The following SHC4 variants were observed in gnomAD, a reference collection of about 807,000 sequenced individuals.
The protein encoded by SHC4 is SHC adaptor protein 4.
In SHC4, 41 loss-of-function variants were observed where a neutral mutation model predicts 69.4. The observed-to-expected ratio is 0.59, with a 90% CI of 0.46 to 0.77. The LOEUF (loss-of-function observed/expected upper bound fraction) is 0.77, where lower values mean the gene tolerates loss of function less well. Among genes scored for constraint, SHC4 ranks in the 30% least tolerant of loss-of-function variants. The pLI is 0.00. For missense variants in SHC4, 777 were observed against 783.8 expected (o/e 0.99, Z 0.10); for synonymous variants, 318 against 299.3 (o/e 1.06, Z -0.64).
intron 4 of SHC4, among the ~76,000 whole-genome samples, chr15:48,880,557 C>T (rs1899921053): frequency 6.6e-6 from 1 of 150,974 alleles, no homozygotes. Context: ...CTGAGGTCCA[C>T]AAACTAGAAG....
intron 11 of SHC4, among the ~76,000 whole-genome samples, chr15:48,830,008 G>A (rs758995062): frequency 6.6e-6 from 1 of 152,138 alleles, no homozygotes; most frequent in Non-Finnish European, 1.5e-5. Flanking sequence ...GCCACTCTAT[G>A]CTTTTTGATT....
intron 2 of SHC4, among the ~76,000 whole-genome samples, chr15:48,922,803 A>C (rs992197271): frequency 2.0e-5 from 3 of 152,214 alleles, no homozygotes; most frequent in Non-Finnish European, 4.4e-5. Flanking sequence ...TCTCAAGATT[A>C]AGAATCTTCA....
At chr15:48,878,499 A>T (rs1287590414) in intron 4 of SHC4, 12 of 1,614,046 alleles carry the variant, frequency 7.4e-6, no homozygotes, top group Non-Finnish European at 1.0e-5. Context: ...TGGGAGGACG[A>T]CTACGACTAT....
rs1478280782 is a variant in SHC4, at chr15:48,963,127, C to G, written c.-112G>C. 1 of 1,152,006 alleles carries G rather than the reference C, an allele frequency of 8.7e-7. No individual in the cohort carries two copies. Among genetic ancestry groups the G allele is most frequent in the East Asian group, 2.4e-5 (1 of 41,402 alleles). 71.4% of individuals were successfully genotyped at this position (1,152,006 alleles called of 1,614,324 possible). A position where few individuals can be genotyped will look rare whatever the true frequency, so the allele number is the denominator to read the frequency against. On this transcript the variant is annotated 5_prime_UTR_variant, in exon 1 of 12. Transcript: ENST00000332408. ...CGCCCGATGCAACTCACAGCAGCCA[C>G]CTCTCCAACTCTGCTCTCGAGCTCG...
intron 1 of SHC4, among the ~76,000 whole-genome samples, chr15:48,931,914 C>G (rs1900973144): frequency 6.6e-6 from 1 of 151,750 alleles, no homozygotes; most frequent in Admixed American, 6.6e-5. Flanking sequence ...GAGACATACT[C>G]TGCCCCAGAG....
intron 1 of SHC4, 72 bp downstream of exon 1, chr15:48,962,359 C>T (rs1450265951): frequency 6.9e-7 from 1 of 1,442,366 alleles, no homozygotes; most frequent in Non-Finnish European, 9.3e-7. Context: ...AACATTAGAC[C>T]CCTTGCAGAA....
chr15:48,937,589 TAGATA>T (rs940478219), intron 1 of SHC4, among the ~76,000 whole-genome samples: 16 of 143,388 alleles, frequency 1.1e-4, no homozygotes, highest in Non-Finnish European at 2.3e-4. Flanking sequence ...GACACATAGA[TAGATA>T]GATAGATAGA....
At chr15:48,889,079 C>T (rs991504246) in intron 3 of SHC4, among the ~76,000 whole-genome samples, 3 of 152,092 alleles carry the variant, frequency 2.0e-5, no homozygotes, top group African/African-American at 4.8e-5. Context: ...GTGTACTTTC[C>T]GGATAGATGA....
In SHC4 at chr15:48,843,588, C is replaced by A; in HGVS notation, c.1304G>T (p.Gly435Val). Residue 435 changes from glycine (G) to valine (V), a missense_variant and splice_region_variant, in exon 10 of 12, where the codon GGT becomes GTT. By Grantham distance (109) the Gly-to-Val change is moderately radical (BLOSUM62 -3). Coordinates refer to ENST00000332408, the MANE Select transcript of SHC4 (RefSeq NM_203349.4). ...ENCLEQSRAI[G>V]NVHPRGVQSQ... ...CTGCACCCCTCTTGGATGGACATTACCTGTAGTGATTAGTAGTGATCAATA... is the reference window on the plus strand; with the variant it reads ...CTGCACCCCTCTTGGATGGACATTAACTGTAGTGATTAGTAGTGATCAATA... 6.2e-7 allele frequency: 1 copy of A among 1,613,108 alleles called. No homozygotes were observed. The highest frequency in any genetic ancestry group is 1.3e-5 in the African/African-American group (1 of 74,994).
chr15:48,923,797 G>A (rs1480243449), intron 2 of SHC4, among the ~76,000 whole-genome samples: 1 of 151,684 alleles, frequency 6.6e-6, no homozygotes, highest in African/African-American at 2.4e-5. Flanking sequence ...GTGCTACCGT[G>A]CCTGGCTATG....
intron 2 of SHC4, among the ~76,000 whole-genome samples, chr15:48,911,472 T>A (rs1295069095): frequency 6.6e-6 from 1 of 152,176 alleles, no homozygotes; most frequent in Non-Finnish European, 1.5e-5. Flanking sequence ...GTTAGGTGAG[T>A]CTCCTAAAGG....
chr15:48,860,440 G>C (rs758599035), intron 6 of SHC4, among the ~76,000 whole-genome samples: 9 of 152,188 alleles, frequency 5.9e-5, no homozygotes, highest in Non-Finnish European at 1.2e-4. Flanking sequence ...CTGGGAGGCA[G>C]AGGTTGCAGT....
At chr15:48,953,799 C>T (rs1468113411) in intron 1 of SHC4, among the ~76,000 whole-genome samples, 1 of 152,210 alleles carries the variant, frequency 6.6e-6, no homozygotes, top group Non-Finnish European at 1.5e-5. Flanking sequence ...CTAATGTGGA[C>T]ATCCTTGATG....
intron 2 of SHC4, among the ~76,000 whole-genome samples, chr15:48,912,167 C>G (rs1457016151): frequency 1.3e-5 from 2 of 152,094 alleles, no homozygotes; most frequent in African/African-American, 4.8e-5. Flanking sequence ...TTGATTATTC[C>G]CCCAAATATG....
At chr15:48,881,336 A>G (rs975857881) in intron 4 of SHC4, among the ~76,000 whole-genome samples, 12 of 151,252 alleles carry the variant, frequency 7.9e-5, no homozygotes, top group Non-Finnish European at 1.5e-4. Flanking sequence ...CCTTTGACCT[A>G]TAGACCTATG....
chr15:48,912,920 A>C (rs2141017697), intron 2 of SHC4, among the ~76,000 whole-genome samples: 1 of 150,898 alleles, frequency 6.6e-6, no homozygotes, highest in South Asian at 2.1e-4. Context: ...GGTCGTCTGC[A>C]CAGAGTCCTG....
chr15:48,933,782 CAAA>C (rs1901016163), intron 1 of SHC4, among the ~76,000 whole-genome samples: 1 of 152,024 alleles, frequency 6.6e-6, no homozygotes, highest in Admixed American at 6.6e-5. Flanking sequence ...GAACTGAGTC[CAAA>C]AGTAAACCCC....
rs386382928 is a variant in SHC4, at chr15:48,919,295, A to ATTTT, written c.656+5580_656+5583dup. 1.2e-3 allele frequency among the ~76,000 whole-genome samples: 87 copies of ATTTT among 71,236 alleles called. 14 individuals carry two copies. Among genetic ancestry groups the ATTTT allele is most frequent in the South Asian group, 2.6e-3 (4 of 1,510 alleles). The allele number at this position is 71,236 out of a possible 152,430, so 46.7% of individuals were successfully genotyped here. A position where few individuals can be genotyped will look rare whatever the true frequency, so the allele number is the denominator to read the frequency against. ...CTCACACTCTTAAAAATTTATTTTA[A>ATTTT]TTTTTTTTTTTTTTTTTTTTGTAGA... On this transcript the variant is annotated intron_variant, in intron 2 of 11. Transcript: ENST00000332408.
At chr15:48,921,239 T>G (rs1276945764) in intron 2 of SHC4, among the ~76,000 whole-genome samples, 1 of 151,912 alleles carries the variant, frequency 6.6e-6, no homozygotes, top group East Asian at 1.9e-4. Context: ...TTTCCACTTT[T>G]ATGAGGTACC....
Sources: gnomAD v4.1 joint callset for allele counts (sites outside exome capture counted in the v4.1 genomes callset) on GRCh38, gnomAD v4.1.1 for gene constraint, MANE v1.5 for transcripts, NCBI Gene and HGNC (gene_info 2026-07-23, HGNC 2026-07-21) for gene names.